The following RBFOX1 variants were observed in gnomAD, a reference collection of about 807,000 sequenced individuals.
RBFOX1 encodes the protein RNA binding protein fox-1 homolog 1.
Under a neutral mutation model 57.7 loss-of-function variants are expected in RBFOX1, and 8 were observed. The observed-to-expected ratio is 0.14, with a 90% confidence interval of 0.08 to 0.25. The LOEUF (loss-of-function observed/expected upper bound fraction) is 0.25, where lower values mean the gene tolerates loss of function less well. RBFOX1 is among the 10% of genes least tolerant of loss of function. The pLI is 1.00. For synonymous variants in RBFOX1, 326 were observed against 222.4 expected, an observed-to-expected ratio of 1.47 and a Z score of -4.15; for missense variants, 611 against 548.5, an observed-to-expected ratio of 1.11 and a Z score of -1.14.
At chr16:5,320,614 CAT>C (rs1229081031) in intron 1 of RBFOX1, among the ~76,000 whole-genome samples, 1 of 152,240 alleles carries the variant, frequency 6.6e-6, no homozygotes, top group Non-Finnish European at 1.5e-5. Flanking sequence ...GTTCTCCTAA[CAT>C]GCTTTTGTTC....
intron 3 of RBFOX1, among the ~76,000 whole-genome samples, chr16:6,772,423 T>TGG (rs1415001826): frequency 3.7e-4 from 52 of 140,742 alleles, no homozygotes; most frequent in African/African-American, 1.3e-3. Flanking sequence ...TGTGCGCACG[T>TGG]GCGTGTGTGT....
At chr16:6,758,660 G>C (rs1028558994) in intron 3 of RBFOX1, among the ~76,000 whole-genome samples, 23 of 152,258 alleles carry the variant, frequency 1.5e-4, no homozygotes, top group African/African-American at 5.5e-4. Context: ...GACTGTGTTA[G>C]TAGCAAGACA....
At chr16:6,432,131 T>A (rs1285610549) in intron 2 of RBFOX1, among the ~76,000 whole-genome samples, 1 of 151,896 alleles carries the variant, frequency 6.6e-6, no homozygotes, top group African/African-American at 2.4e-5. Flanking sequence ...CTTACCTATT[T>A]TTGCTTTTTA....
intron 4 of RBFOX1, among the ~76,000 whole-genome samples, chr16:7,190,014 A>G (rs866019275): frequency 1.3e-5 from 2 of 152,234 alleles, no homozygotes; most frequent in Admixed American, 1.3e-4. Flanking sequence ...TAGAAGACCA[A>G]TAAGAAATGG....
intron 1 of RBFOX1, among the ~76,000 whole-genome samples, chr16:6,062,790 CAT>C (rs939649220): frequency 1.3e-5 from 2 of 151,926 alleles, no homozygotes; most frequent in Non-Finnish European, 2.9e-5. Flanking sequence ...GGAATTGTCT[CAT>C]GTGCTTCTAG....
intron 3 of RBFOX1, among the ~76,000 whole-genome samples, chr16:5,714,950 A>C (rs1217954729): frequency 6.6e-6 from 1 of 152,344 alleles, no homozygotes; most frequent in East Asian, 1.9e-4. Flanking sequence ...TGGATGAATG[A>C]GTAACTATAC....
At chr16:5,863,622 A>G (rs1428846023) in intron 3 of RBFOX1, among the ~76,000 whole-genome samples, 1 of 152,176 alleles carries the variant, frequency 6.6e-6, no homozygotes, top group African/African-American at 2.4e-5. Context: ...TTGACTATGA[A>G]ATCCACTCTG....
rs71391624 is a variant in RBFOX1 at position 7,330,472 on chromosome 16, CTGTGTGTGTGTG to C, written c.28-187649_28-187638del. ...GTGGAACCCCAGAATATGGAGAGCTCTGTGTGTGTGTGTGTGTGTGTGTGTGTGTGTGTGTGT... is the reference window on the plus strand; with the variant it reads ...GTGGAACCCCAGAATATGGAGAGCTCTGTGTGTGTGTGTGTGTGTGTGTGT... On this transcript the variant is annotated intron_variant, in intron 4 of 15. Transcript: ENST00000550418. 8.5e-5 allele frequency among the ~76,000 whole-genome samples: 8 copies of C among 94,422 alleles called. No homozygotes were observed. In the South Asian group the frequency reaches 1.2e-3, roughly 14 times the overall value. 61.9% of individuals were successfully genotyped at this position (94,422 alleles called of 152,430 possible). A position where few individuals can be genotyped will look rare whatever the true frequency, so the allele number is the denominator to read the frequency against.
chr16:6,323,938 AG>A (rs2082085520), intron 2 of RBFOX1, among the ~76,000 whole-genome samples: 1 of 151,982 alleles, frequency 6.6e-6, no homozygotes. Flanking sequence ...ATGCTCAGCT[AG>A]TGTTTGTATT....
At chr16:7,615,783 C>T (rs375901961) in intron 10 of RBFOX1, among the ~76,000 whole-genome samples, 4 of 152,222 alleles carry the variant, frequency 2.6e-5, no homozygotes, top group Non-Finnish European at 1.5e-5. Flanking sequence ...AGGCCAAGGA[C>T]GCTTCAAAAC....
At chr16:5,641,449 G>A (rs147000465) in intron 3 of RBFOX1, among the ~76,000 whole-genome samples, 1 of 152,252 alleles carries the variant, frequency 6.6e-6, no homozygotes, top group Non-Finnish European at 1.5e-5. Context: ...GGGAGAAAGA[G>A]TGATGGGAAG....
chr16:6,652,326 T>C (rs1313824333), intron 2 of RBFOX1, among the ~76,000 whole-genome samples: 1 of 152,050 alleles, frequency 6.6e-6, no homozygotes. Context: ...TGCATGTCGG[T>C]AGTCCCAGCT....
At chr16:6,697,103 A>G (rs1406483054) in intron 3 of RBFOX1, among the ~76,000 whole-genome samples, 1 of 152,208 alleles carries the variant, frequency 6.6e-6, no homozygotes, top group East Asian at 1.9e-4. Flanking sequence ...GGGAAAGCCA[A>G]AGAAAAATCA....
intron 2 of RBFOX1, among the ~76,000 whole-genome samples, chr16:6,527,426 T>G (rs901865141): frequency 3.9e-5 from 6 of 152,278 alleles, no homozygotes; most frequent in African/African-American, 1.4e-4. Flanking sequence ...CTTAATGTAT[T>G]TTTGGGGCTT....
intron 3 of RBFOX1, among the ~76,000 whole-genome samples, chr16:7,011,347 A>G (rs541721629): frequency 1.3e-5 from 2 of 152,304 alleles, no homozygotes; most frequent in South Asian, 4.1e-4. Context: ...AGCTTAAGCA[A>G]TTTGCCAAGG....
chr16:6,073,580 A>C (rs1251650128), intron 1 of RBFOX1, among the ~76,000 whole-genome samples: 1 of 152,202 alleles, frequency 6.6e-6, no homozygotes, highest in East Asian at 1.9e-4. Flanking sequence ...AGAACGTAAT[A>C]CACTTCCGTT....
intron 3 of RBFOX1, among the ~76,000 whole-genome samples, chr16:7,005,150 CA>C (rs952976394): frequency 6.6e-6 from 1 of 151,418 alleles, no homozygotes; most frequent in Non-Finnish European, 1.5e-5. Context: ...ATCTCAAAAA[CA>C]AAAAACGAAA....
At chr16:5,358,240 C>A (rs993677519) in intron 1 of RBFOX1, among the ~76,000 whole-genome samples, 3 of 152,002 alleles carry the variant, frequency 2.0e-5, no homozygotes, top group African/African-American at 7.3e-5. Flanking sequence ...GTGTGAGTGT[C>A]TGTGTCCAAG....
At chr16:5,820,758 T>G (rs1359236431) in intron 3 of RBFOX1, among the ~76,000 whole-genome samples, 1 of 152,158 alleles carries the variant, frequency 6.6e-6, no homozygotes, top group Non-Finnish European at 1.5e-5. Flanking sequence ...TCCTGTGCTC[T>G]CCCAGCCTCA....
Sources: allele counts gnomAD v4.1 joint callset (sites outside exome capture counted in the v4.1 genomes callset), GRCh38; gene constraint gnomAD v4.1.1; transcripts MANE v1.5; gene names NCBI Gene and HGNC (gene_info 2026-07-23, HGNC 2026-07-21).